CFAP221: variants seen among roughly 807,000 people sequenced by gnomAD.
The protein encoded by CFAP221 is cilia- and flagella-associated protein 221.
A neutral mutation model predicts 113.1 loss-of-function variants in CFAP221; 97 were observed. The ratio of observed to expected loss-of-function variants is 0.86; its 90% CI spans 0.73 to 1.02. The LOEUF is 1.02. CFAP221 is among the 50% of genes least tolerant of loss of function. The pLI, the probability that CFAP221 is intolerant of heterozygous loss-of-function variation, is 0.00. For missense variants in CFAP221, 1,025 were observed against 1,013.4 expected, an observed-to-expected ratio of 1.01 and a Z score of -0.16; for synonymous variants, 331 against 354.4, an observed-to-expected ratio of 0.93 and a Z score of 0.74.
chr2:119,567,743 T>C (rs138164173), intron 6 of CFAP221, among the ~76,000 whole-genome samples: 43 of 152,342 alleles, frequency 2.8e-4, no homozygotes, highest in African/African-American at 1.0e-3. Context: ...TGATTTCCTT[T>C]AATTGGTGCA....
intron 7 of CFAP221, among the ~76,000 whole-genome samples, chr2:119,597,333 C>T (rs1684052574): frequency 6.6e-6 from 1 of 152,154 alleles, no homozygotes; most frequent in South Asian, 2.1e-4. Flanking sequence ...TGCCCACACT[C>T]CCTGGGCAGC....
At chr2:119,596,478 T>C (rs1683987286) in intron 7 of CFAP221, among the ~76,000 whole-genome samples, 1 of 152,198 alleles carries the variant, frequency 6.6e-6, no homozygotes, top group Admixed American at 6.5e-5. Context: ...CTCCCCAGCA[T>C]CCTCTACTCA....
chr2:119,630,738 A>G (rs748673540), intron 18 of CFAP221, 29 bp from the exon 19 acceptor site: 1 of 1,607,732 alleles, frequency 6.2e-7, no homozygotes. Context: ...TGGCATCAAA[A>G]CTAACGTGCT....
chr2:119,658,414 A>G (rs915202330), downstream of CFAP221, among the ~76,000 whole-genome samples: 1 of 151,718 alleles, frequency 6.6e-6, no homozygotes, highest in Middle Eastern at 3.4e-3. Flanking sequence ...TATATTCCAG[A>G]CTCATCTGTA....
chr2:119,658,833 A>G (rs1411652724), downstream of CFAP221, among the ~76,000 whole-genome samples: 3 of 152,024 alleles, frequency 2.0e-5, no homozygotes, highest in Middle Eastern at 3.4e-3. Flanking sequence ...ATACAAAAAT[A>G]CAGAAAATTT....
intron 7 of CFAP221, among the ~76,000 whole-genome samples, chr2:119,587,913 GAATT>G (rs1386865844): frequency 6.6e-6 from 1 of 152,148 alleles, no homozygotes; most frequent in Non-Finnish European, 1.5e-5. Flanking sequence ...CAGAAACTGT[GAATT>G]AATTCTCAAT....
At chr2:119,573,818 A>T (rs1682238154) in intron 6 of CFAP221, among the ~76,000 whole-genome samples, 1 of 152,210 alleles carries the variant, frequency 6.6e-6, no homozygotes, top group African/African-American at 2.4e-5. Flanking sequence ...CTAGTTACTC[A>T]TCTTGACCCA....
intron 6 of CFAP221, among the ~76,000 whole-genome samples, chr2:119,578,254 G>A (rs1269215757): frequency 1.3e-5 from 2 of 152,214 alleles, no homozygotes; most frequent in African/African-American, 4.8e-5. Context: ...TAGTTAAGTA[G>A]TCCTAGAGCC....
At chr2:119,606,572 C>G (rs1295218156) in intron 11 of CFAP221, among the ~76,000 whole-genome samples, 2 of 152,102 alleles carry the variant, frequency 1.3e-5, no homozygotes, top group South Asian at 2.1e-4. Context: ...TTATAAACAC[C>G]TTTTCCCTAT....
chr2:119,584,227 C>T (rs940224092), intron 6 of CFAP221, among the ~76,000 whole-genome samples: 1 of 151,916 alleles, frequency 6.6e-6, no homozygotes, highest in Non-Finnish European at 1.5e-5. Context: ...ATAAATAAAT[C>T]AAAAAATAAA....
rs1684608895 is a variant in CFAP221, at chr2:119,604,748, A to C, written c.868A>C (p.Asn290His). ...VPPEKAMMHI[N>H]FHRPPAKPKP... ...TCCAGAAAAAGCAATGATGCATATA[A>C]ATTTTCACCGACCGCCAGCGAAGCC... Residue 290 changes from asparagine to histidine, a missense_variant, in exon 9 of 24, where the codon AAT becomes CAT. Transcript: ENST00000413369. 6.5e-7 allele frequency: 1 copy of C among 1,548,708 alleles called. No homozygotes were observed. The highest frequency in any genetic ancestry group is 8.7e-7 in the Non-Finnish European group (1 of 1,152,172).
intron 3 of CFAP221, among the ~76,000 whole-genome samples, chr2:119,551,764 C>A (rs1680451924): frequency 6.6e-6 from 1 of 152,156 alleles, no homozygotes; most frequent in African/African-American, 2.4e-5. Flanking sequence ...ATTTTAGGAT[C>A]AGCTTTTCAA....
chr2:119,584,113 C>T (rs1022498675), intron 6 of CFAP221, among the ~76,000 whole-genome samples: 3 of 152,106 alleles, frequency 2.0e-5, no homozygotes, highest in Non-Finnish European at 4.4e-5. Flanking sequence ...AAATTAGAGA[C>T]ATACCATGTT....
chr2:119,644,649 A>G (rs1687687713), intron 21 of CFAP221, among the ~76,000 whole-genome samples: 1 of 152,162 alleles, frequency 6.6e-6, no homozygotes, highest in African/African-American at 2.4e-5. Flanking sequence ...TATTCAGCAG[A>G]CAAAGTCAGG....
chr2:119,560,686 G>GTA (rs1282623744), intron 5 of CFAP221, among the ~76,000 whole-genome samples: 1 of 152,262 alleles, frequency 6.6e-6, no homozygotes, highest in African/African-American at 2.4e-5. Context: ...AAACAGAAGA[G>GTA]TATACATTAG....
chr2:119,578,619 A>G (rs879763604), intron 6 of CFAP221, among the ~76,000 whole-genome samples: 19 of 152,202 alleles, frequency 1.2e-4, no homozygotes, highest in Non-Finnish European at 1.3e-4. Flanking sequence ...TTATCCATAC[A>G]TCTCTGTGTG....
At chr2:119,615,407 T>G (rs989828677) in intron 13 of CFAP221, among the ~76,000 whole-genome samples, 2 of 152,214 alleles carry the variant, frequency 1.3e-5, no homozygotes, top group African/African-American at 4.8e-5. Context: ...CCTAATCTTG[T>G]CCTCCACTTT....
chr2:119,626,939 A>G (rs931441489), intron 15 of CFAP221, among the ~76,000 whole-genome samples: 7 of 151,586 alleles, frequency 4.6e-5, no homozygotes, highest in African/African-American at 1.7e-4. Flanking sequence ...CTGAAAAAAA[A>G]AAAAAGAAAG....
rs924826105 is a variant in CFAP221, at chr2:119,546,182, C to A, written c.51C>A (p.Pro17=). Residue 17 remains proline (P), a synonymous_variant, in exon 2 of 24, where the codon CCC becomes CCA. Transcript: ENST00000413369. ...PSRGLKNAKE[P]FNNASPHLLK... is the part of the protein sequence containing the mutation. ...GAGGACTAAAGAATGCTAAAGAACC[C>A]TTTAATAATGCATCACCCCATCTCT... The A allele has an allele frequency of 9.1e-6, 14 of 1,535,726 alleles. No individual in the cohort carries two copies. Among genetic ancestry groups the A allele is most frequent in the Non-Finnish European group, 1.2e-5 (14 of 1,146,832 alleles).
Sources: allele counts gnomAD v4.1 joint callset (sites outside exome capture counted in the v4.1 genomes callset), GRCh38; gene constraint gnomAD v4.1.1; transcripts MANE v1.5; gene names NCBI Gene and HGNC (gene_info 2026-07-23, HGNC 2026-07-21).